MACO1: variants seen among roughly 807,000 people sequenced by gnomAD.
MACO1 encodes the protein macoilin.
In MACO1, 14 loss-of-function variants were observed where a neutral mutation model predicts 78.7. The observed-to-expected ratio is 0.18, with a 90% confidence interval of 0.12 to 0.28. The LOEUF is 0.28. Ranked by LOEUF, MACO1 falls within the 10% of genes least tolerant of loss-of-function variation. The pLI is 1.00. For synonymous variants in MACO1, 288 were observed against 291.6 expected (o/e 0.99, Z 0.12); for missense variants, 501 against 799.0 (o/e 0.63, Z 4.50).
intron 6 of MACO1, among the ~76,000 whole-genome samples, chr1:25,467,446 T>G (rs2043229625): frequency 6.6e-6 from 1 of 152,138 alleles, no homozygotes; most frequent in African/African-American, 2.4e-5. Flanking sequence ...TCTTTCAGTT[T>G]CCTTGTTAAG....
rs550368866 is a variant in MACO1 at position 25,497,304 on chromosome 1, C to T, written c.1793-960C>T. Among the ~76,000 whole-genome samples, 58 of 150,006 alleles carry T rather than the reference C, an allele frequency of 3.9e-4. 1 individual carries two copies. The highest frequency in any genetic ancestry group is 6.9e-3 in the Middle Eastern group (2 of 290). ...CTGAGGCGGGAGAATCGCTTGAACC[C>T]GGGAGGCAGAGGTTGCAGTGAGCCG... On this transcript the variant is annotated intron_variant, in intron 10 of 10. Coordinates refer to ENST00000374343, the MANE Select transcript of MACO1 (RefSeq NM_018202.6).
intron 4 of MACO1, 83 bp from the exon 5 acceptor site, chr1:25,456,570 A>G: frequency 7.3e-7 from 1 of 1,376,422 alleles, no homozygotes; most frequent in Non-Finnish European, 1.0e-6. Context: ...TTTAATTTTT[A>G]AGCCATAGGT....
At chr1:25,493,483 C>T (rs535077854) in intron 10 of MACO1, among the ~76,000 whole-genome samples, 1 of 151,908 alleles carries the variant, frequency 6.6e-6, no homozygotes, top group African/African-American at 2.4e-5. Flanking sequence ...CTCCTGGGCT[C>T]AAGAGATCCT....
At chr1:25,493,108 G>A (rs2043501406) in intron 10 of MACO1, among the ~76,000 whole-genome samples, 1 of 152,166 alleles carries the variant, frequency 6.6e-6, no homozygotes, top group African/African-American at 2.4e-5. Flanking sequence ...AGACAAACAT[G>A]AATACAACAT....
chr1:25,458,729 T>G lies in MACO1; in HGVS notation c.991T>G (p.Ser331Ala), dbSNP rs748358806. The change falls in exon 6 of 11, where the codon TCT becomes GCT. Residue 331 changes from serine to alanine, a missense_variant. Physicochemically the swap from Ser to Ala is moderately conservative, Grantham distance 99. This residue lies in a region of MACO1 where 163 missense variants were observed against 271.9 expected (regional missense o/e 0.60). Coordinates refer to ENST00000374343, the MANE Select transcript of MACO1 (RefSeq NM_018202.6). The part of the protein sequence containing the change: ...NYKNASGVVN[S>A]SPRSHSATNG... ...CAAAAATGCCAGTGGAGTTGTGAAC[T>G]CTTCACCTCGAAGTCATAGCGCCAC... The G allele has an allele frequency of 5.3e-5, 86 of 1,614,064 alleles. 1 individual carries two copies. Among genetic ancestry groups the G allele is most frequent in the Non-Finnish European group, 5.0e-5 (59 of 1,180,038 alleles).
chr1:25,495,235 C>T (rs1490956454), intron 10 of MACO1, among the ~76,000 whole-genome samples: 1 of 152,214 alleles, frequency 6.6e-6, no homozygotes. Flanking sequence ...GCCAGAGGAG[C>T]TTGGCTTCCC....
In MACO1 at chr1:25,498,422, G is replaced by A. The variant is rs1158624172; in HGVS notation, c.1951G>A (p.Gly651Arg). The A allele has an allele frequency of 1.2e-6, 2 of 1,613,648 alleles. No homozygotes were observed. Among genetic ancestry groups the A allele is most frequent in the Non-Finnish European group, 1.7e-6 (2 of 1,179,924 alleles). Residue 651 changes from glycine to arginine, a missense_variant, in exon 11 of 11, where the codon GGA becomes AGA. Gly to Arg is a moderately radical substitution (Grantham distance 125). This residue lies in a region of MACO1 where 66 missense variants were observed against 101.6 expected (regional missense o/e 0.65). Transcript: ENST00000374343. ...SSKFVETSPS[G>R]LDPNASVYQP... ...CAAATTTGTGGAGACCAGCCCCTCT[G>A]GACTTGACCCCAATGCCTCTGTTTA...
chr1:25,434,659 C>T (rs561360728), intron 1 of MACO1, among the ~76,000 whole-genome samples: 12 of 152,170 alleles, frequency 7.9e-5, no homozygotes, highest in Non-Finnish European at 1.3e-4. Context: ...ATAAAGTAGA[C>T]AGTTGCCACT....
At chr1:25,458,339 T>C in intron 5 of MACO1, 52 bp from the exon 6 acceptor site, 1 of 1,528,416 alleles carries the variant, frequency 6.5e-7, no homozygotes, top group Non-Finnish European at 8.7e-7. Context: ...GTTAAACAAC[T>C]AAATATTCCG....
intron 9 of MACO1, among the ~76,000 whole-genome samples, chr1:25,490,619 C>T (rs892491579): frequency 2.0e-5 from 3 of 151,982 alleles, no homozygotes; most frequent in Non-Finnish European, 2.9e-5. Flanking sequence ...AGATGTTCAT[C>T]GTAGTGGTAT....
intron 1 of MACO1, 28 bp downstream of exon 1, chr1:25,431,206 G>A: frequency 6.4e-7 from 1 of 1,567,114 alleles, no homozygotes; most frequent in Non-Finnish European, 8.6e-7. Flanking sequence ...CACTCCGCGG[G>A]CGCGGGCCCT....
At chr1:25,468,869 G>A (rs1156841084) in intron 6 of MACO1, among the ~76,000 whole-genome samples, 1 of 152,132 alleles carries the variant, frequency 6.6e-6, no homozygotes, top group Non-Finnish European at 1.5e-5. Flanking sequence ...TGTTTTTGGA[G>A]ACGGAGTCTC....
At chr1:25,446,085 C>T (rs996406540) in intron 1 of MACO1, among the ~76,000 whole-genome samples, 3 of 152,158 alleles carry the variant, frequency 2.0e-5, no homozygotes, top group African/African-American at 4.8e-5. Context: ...ACTGGGAACA[C>T]ACATTTATAT....
intron 1 of MACO1, among the ~76,000 whole-genome samples, chr1:25,445,576 T>C (rs2043008856): frequency 6.6e-6 from 1 of 152,058 alleles, no homozygotes; most frequent in African/African-American, 2.4e-5. Context: ...TTTTTTCTCT[T>C]TTCTTTTTAT....
intron 6 of MACO1, among the ~76,000 whole-genome samples, chr1:25,471,784 A>G (rs780522162): frequency 6.6e-6 from 1 of 152,192 alleles, no homozygotes. Context: ...ACTCTTTGTT[A>G]TTTTTGAGGT....
chr1:25,488,976 CCCAG>C (rs1378732112), intron 8 of MACO1, among the ~76,000 whole-genome samples, 193 bp from the exon 9 acceptor site: 1 of 152,024 alleles, frequency 6.6e-6, no homozygotes, highest in Non-Finnish European at 1.5e-5. Flanking sequence ...TACCACCATG[CCCAG>C]CCAATTTTTT....
intron 1 of MACO1, among the ~76,000 whole-genome samples, chr1:25,440,124 A>G (rs2042956556): frequency 6.6e-6 from 1 of 151,614 alleles, no homozygotes; most frequent in Admixed American, 6.6e-5. Flanking sequence ...GTGGTGGCTC[A>G]TGCCTGTAGT....
chr1:25,454,467 TG>T, intron 4 of MACO1, 85 bp downstream of exon 4: 1 of 174,580 alleles, frequency 5.7e-6, no homozygotes, highest in Non-Finnish European at 8.3e-6. Flanking sequence ...TGTGTGTGTG[TG>T]TGTATATATA....
intron 6 of MACO1, among the ~76,000 whole-genome samples, chr1:25,469,182 T>C (rs1571974736): frequency 6.6e-6 from 1 of 152,188 alleles, no homozygotes; most frequent in East Asian, 1.9e-4. Context: ...AGTACTAATT[T>C]AAATTAACAA....
Sources: gnomAD v4.1 joint callset for allele counts (sites outside exome capture counted in the v4.1 genomes callset) on GRCh38, gnomAD v4.1.1 for gene constraint, gnomAD v4.1.1 regional missense constraint, MANE v1.5 for transcripts, NCBI Gene and HGNC (gene_info 2026-07-23, HGNC 2026-07-21) for gene names.